The following DNAH5 variants were observed in gnomAD, a reference collection of about 807,000 sequenced individuals.
The protein encoded by DNAH5 is dynein axonemal heavy chain 5, also known as axonemal beta dynein heavy chain 5.
A neutral mutation model predicts 518.2 loss-of-function variants in DNAH5; 372 were observed. The ratio of observed to expected loss-of-function variants is 0.72; its 90% CI spans 0.66 to 0.78. The LOEUF is 0.78. Among genes scored for constraint, DNAH5 ranks in the 30% least tolerant of loss-of-function variants. The probability of loss-of-function intolerance (pLI) is 0.00; values close to 1 mark genes in which losing one functional copy is unlikely to be tolerated. For synonymous variants in DNAH5, 2,039 were observed against 2,025.9 expected (o/e 1.01, Z -0.17); for missense variants, 5,523 against 5,687.0 (o/e 0.97, Z 0.93).
chr5:13,986,855 T>C (rs1783086335), intron 1 of DNAH5, among the ~76,000 whole-genome samples: 1 of 152,262 alleles, frequency 6.6e-6, no homozygotes, highest in Non-Finnish European at 1.5e-5. Flanking sequence ...CGTTCCTCTA[T>C]AGATTCCTGC....
intron 42 of DNAH5, among the ~76,000 whole-genome samples, chr5:13,816,772 T>C (rs1761506556): frequency 6.6e-6 from 1 of 152,184 alleles, no homozygotes; most frequent in African/African-American, 2.4e-5. Flanking sequence ...CGAGCGTCAA[T>C]GGTACTACTT....
At chr5:13,986,686 G>A (rs965894610) in intron 1 of DNAH5, among the ~76,000 whole-genome samples, 1 of 152,092 alleles carries the variant, frequency 6.6e-6, no homozygotes, top group African/African-American at 2.4e-5. Flanking sequence ...CACTACCCAC[G>A]CTGTAATTCC....
At chr5:13,788,479 C>T (rs182592978) in intron 51 of DNAH5, among the ~76,000 whole-genome samples, 42 of 152,306 alleles carry the variant, frequency 2.8e-4, no homozygotes, top group African/African-American at 1.0e-3. Context: ...GAATCCTGCC[C>T]CCCAACTCTA....
At chr5:13,771,792 G>T (rs1580155068) in intron 55 of DNAH5, among the ~76,000 whole-genome samples, 1 of 152,090 alleles carries the variant, frequency 6.6e-6, no homozygotes, top group East Asian at 1.9e-4. Flanking sequence ...TATCTCAGAA[G>T]AAACAACCTA....
chr5:13,992,501 T>G (rs1465676423), intron 1 of DNAH5, among the ~76,000 whole-genome samples: 2 of 152,246 alleles, frequency 1.3e-5, no homozygotes, highest in African/African-American at 4.8e-5. Context: ...CTGATTTCTT[T>G]GCACTTCCTA....
At chr5:13,955,313 T>G (rs1464034332) in intron 1 of DNAH5, among the ~76,000 whole-genome samples, 2 of 152,198 alleles carry the variant, frequency 1.3e-5, no homozygotes, top group Non-Finnish European at 2.9e-5. Context: ...TGCTTCCTGT[T>G]AAGCCTGTGG....
In DNAH5 at chr5:13,751,189, G is replaced by C. The variant is rs1263766496; in HGVS notation, c.11100C>G (p.Asn3700Lys). Reference protein sequence around the residue: ...FRLYITTKLPNPAYTPEISAR... With the variant: ...FRLYITTKLPKPAYTPEISAR... ...CACTTATCTCAGGGGTGTAGGCTGGGTTAGGCAATTTGGTGGTAATGTAGA... is the reference window on the plus strand; with the variant it reads ...CACTTATCTCAGGGGTGTAGGCTGGCTTAGGCAATTTGGTGGTAATGTAGA... The change falls in exon 65 of 79, where the codon AAC becomes AAG. Residue 3700 changes from asparagine (N) to lysine (K), a missense_variant. Asn to Lys is a moderately conservative substitution (Grantham distance 94, BLOSUM62 0). Around this residue, in one of 3 missense-constraint regions of DNAH5, gnomAD observed 5,121 missense variants for 5,223.3 expected, o/e 0.98. Coordinates refer to ENST00000265104, the MANE Select transcript of DNAH5 (RefSeq NM_001369.3). The C allele has an allele frequency of 1.9e-6, 3 of 1,613,936 alleles. No homozygotes were observed. The highest frequency in any genetic ancestry group is 3.3e-5 in the Admixed American group (2 of 59,974).
At chr5:13,753,202 G>T in intron 63 of DNAH5, 31 bp downstream of exon 63, 2 of 1,537,572 alleles carry the variant, frequency 1.3e-6, no homozygotes, top group South Asian at 1.1e-5. Flanking sequence ...AAACTTAACC[G>T]GTAGCATAAA....
chr5:13,923,236 T>C lies in DNAH5; in HGVS notation c.438+44A>G, dbSNP rs201944110. The C allele has an allele frequency of 2.7e-5, 44 of 1,610,190 alleles. No homozygotes were observed. In the Admixed American group the frequency reaches 3.7e-4, roughly 13 times the overall value. The stretch of plus-strand genomic sequence containing the variant: ...GAGGAATATTTGTGTGCAAGTTGTG[T>C]GTTTTTTGGTAATTCAGAGTAAACA... On this transcript the variant is annotated intron_variant, in intron 4 of 78. Coordinates refer to ENST00000265104, the MANE Select transcript of DNAH5 (RefSeq NM_001369.3).
At chr5:13,817,246 A>G (rs1483478976) in intron 42 of DNAH5, among the ~76,000 whole-genome samples, 3 of 152,258 alleles carry the variant, frequency 2.0e-5, no homozygotes, top group Non-Finnish European at 4.4e-5. Flanking sequence ...TTATGGTAAA[A>G]TCACTTTATT....
rs1777403471 is a variant in DNAH5 at position 13,922,340 on chromosome 5, G to A, written c.439-12C>T. On this transcript the variant is annotated splice_polypyrimidine_tract_variant and intron_variant, in intron 4 of 78. Coordinates refer to ENST00000265104, the MANE Select transcript of DNAH5 (RefSeq NM_001369.3). ...TTAAAACTCACCTCCTGGAAAACAG[G>A]CAGGAGATCTTTTATTGTAAAAATC... The A allele has an allele frequency of 1.2e-6, 2 of 1,607,378 alleles. No individual in the cohort carries two copies. The highest frequency in any genetic ancestry group is 2.2e-5 in the South Asian group (2 of 90,480).
chr5:13,783,656 G>A (rs1276545287), intron 52 of DNAH5, among the ~76,000 whole-genome samples: 1 of 152,138 alleles, frequency 6.6e-6, no homozygotes, highest in Non-Finnish European at 1.5e-5. Context: ...AGAGACAAAA[G>A]AGGTATCACA....
intron 1 of DNAH5, among the ~76,000 whole-genome samples, chr5:14,004,005 GA>G (rs34925845): frequency 0.021 from 3,193 of 152,312 alleles, 104 homozygotes; most frequent in East Asian, 0.19. Context: ...ATGGAAATCG[GA>G]AGAGAAAATA....
At chr5:14,005,634 A>G (rs1784675024) in intron 1 of DNAH5, among the ~76,000 whole-genome samples, 1 of 152,220 alleles carries the variant, frequency 6.6e-6, no homozygotes, top group African/African-American at 2.4e-5. Context: ...TCGTTGCACA[A>G]TCGATAAGTT....
At chr5:13,724,374 AC>A (rs1310572171) in intron 70 of DNAH5, among the ~76,000 whole-genome samples, 1 of 152,142 alleles carries the variant, frequency 6.6e-6, no homozygotes, top group African/African-American at 2.4e-5. Flanking sequence ...GGTAATATTT[AC>A]CCAATGCCTT....
intron 32 of DNAH5, among the ~76,000 whole-genome samples, chr5:13,844,388 C>G (rs1313199793): frequency 1.3e-5 from 2 of 151,934 alleles, no homozygotes; most frequent in African/African-American, 4.8e-5. Flanking sequence ...AATGACCTAT[C>G]GTGAGTCTCA....
intron 1 of DNAH5, among the ~76,000 whole-genome samples, chr5:13,961,174 A>G (rs569089116): frequency 6.6e-6 from 1 of 152,284 alleles, no homozygotes; most frequent in Non-Finnish European, 1.5e-5. Context: ...TCTTTTCTGT[A>G]TATATTTAAT....
chr5:13,972,586 C>G (rs1781951392), intron 1 of DNAH5, among the ~76,000 whole-genome samples: 1 of 152,168 alleles, frequency 6.6e-6, no homozygotes, highest in Non-Finnish European at 1.5e-5. Context: ...AAGGTCAAAT[C>G]CTTCTCCTGT....
intron 1 of DNAH5, among the ~76,000 whole-genome samples, chr5:13,983,212 G>A (rs115797548): frequency 8.9e-4 from 135 of 152,328 alleles, no homozygotes; most frequent in African/African-American, 3.1e-3. Context: ...GGTGAGGGCT[G>A]AGAACACCTT....
Sources: allele counts gnomAD v4.1 joint callset (sites outside exome capture counted in the v4.1 genomes callset), GRCh38; gene constraint gnomAD v4.1.1; regional missense constraint gnomAD v4.1.1; transcripts MANE v1.5; gene names NCBI Gene and HGNC (gene_info 2026-07-23, HGNC 2026-07-21).